The following AUTS2 variants were observed in gnomAD, a reference collection of about 807,000 sequenced individuals.
AUTS2 encodes the protein activator of transcription and developmental regulator AUTS2, also known as autism susceptibility gene 2 protein.
AUTS2 carries 17 observed loss-of-function variants against 112.4 expected under a neutral mutation model. The ratio of observed to expected loss-of-function variants is 0.15; its 90% CI spans 0.10 to 0.23. AUTS2 has a LOEUF of 0.23. AUTS2 is among the 10% of genes least tolerant of loss of function. The pLI is 1.00. For synonymous variants in AUTS2, 751 were observed against 702.7 expected (o/e 1.07, Z -1.09); for missense variants, 1,510 against 1,701.6 (o/e 0.89, Z 1.98).
chr7:70,330,174 G>C (rs1234323359), intron 4 of AUTS2, among the ~76,000 whole-genome samples: 1 of 152,156 alleles, frequency 6.6e-6, no homozygotes, highest in African/African-American at 2.4e-5. Flanking sequence ...TAATGCATTT[G>C]ATATCACATC....
chr7:69,981,668 CAT>C (rs1204325348), intron 2 of AUTS2, among the ~76,000 whole-genome samples: 2 of 152,130 alleles, frequency 1.3e-5, no homozygotes, highest in African/African-American at 2.4e-5. Context: ...TTGATTATCA[CAT>C]GTCTTGAAAT....
intron 4 of AUTS2, among the ~76,000 whole-genome samples, chr7:70,162,445 CAAAAAAAAAAAAAAAAAAAAAAAAAAAA>C (rs57688959): frequency 1.8e-5 from 1 of 56,682 alleles, no homozygotes; most frequent in Non-Finnish European, 3.0e-5. Flanking sequence ...GACTCCGTCT[CAAAAAAAAAAAAAAAAAAAAAAAAAAAA>C]AAAAAAAGAA....
intron 1 of AUTS2, among the ~76,000 whole-genome samples, chr7:69,685,827 G>A (rs1262759772): frequency 2.6e-5 from 4 of 151,598 alleles, no homozygotes; most frequent in Non-Finnish European, 5.9e-5. Context: ...TTACAGGCAT[G>A]AGCCACCACA....
intron 2 of AUTS2, among the ~76,000 whole-genome samples, chr7:70,036,729 A>G (rs1322924782): frequency 6.6e-6 from 1 of 152,214 alleles, no homozygotes; most frequent in Non-Finnish European, 1.5e-5. Context: ...AGAAGAGTTA[A>G]AAGAGAAGGC....
chr7:70,021,597 C>A (rs1226540140), intron 2 of AUTS2, among the ~76,000 whole-genome samples: 1 of 152,120 alleles, frequency 6.6e-6, no homozygotes, highest in Non-Finnish European at 1.5e-5. Flanking sequence ...AGTAAAATAA[C>A]GTGGAAAGGG....
intron 1 of AUTS2, among the ~76,000 whole-genome samples, chr7:69,744,888 C>A (rs1023357239): frequency 6.6e-6 from 1 of 152,134 alleles, no homozygotes; most frequent in African/African-American, 2.4e-5. Context: ...CACAAAAGCA[C>A]TGTAAACAGG....
At chr7:70,692,781 A>T (rs117879007) in intron 5 of AUTS2, among the ~76,000 whole-genome samples, 12,428 of 138,756 alleles carry the variant, frequency 0.09, 771 homozygotes, top group East Asian at 0.29. Context: ...TTTTTTTTTA[A>T]CTTGAGAGGT....
At chr7:70,541,902 C>T (rs1355358269) in intron 5 of AUTS2, among the ~76,000 whole-genome samples, 8 of 152,224 alleles carry the variant, frequency 5.3e-5, no homozygotes, top group African/African-American at 1.7e-4. Flanking sequence ...TGACAAAAAG[C>T]ACGGTGTCTT....
chr7:70,391,106 T>A (rs1486014886), intron 4 of AUTS2, among the ~76,000 whole-genome samples: 1 of 152,234 alleles, frequency 6.6e-6, no homozygotes, highest in East Asian at 1.9e-4. Context: ...TCCAGTCCTG[T>A]TGTATCTGAA....
intron 5 of AUTS2, chr7:70,436,839 A>G (rs17141610): frequency 0.037 from 5,592 of 152,338 alleles, 181 homozygotes; most frequent in African/African-American, 0.08. Context: ...TGAATTCAGC[A>G]TATGTAGCCT....
chr7:70,609,410 TCCG>T (rs1803953649), intron 5 of AUTS2, among the ~76,000 whole-genome samples: 3 of 132,186 alleles, frequency 2.3e-5, no homozygotes, highest in African/African-American at 6.3e-5. Context: ...TTTTTTTTTT[TCCG>T]AGACAGAGTC....
chr7:70,465,984 G>T (rs2115728328), intron 5 of AUTS2, among the ~76,000 whole-genome samples: 1 of 152,298 alleles, frequency 6.6e-6, no homozygotes, highest in Non-Finnish European at 1.5e-5. Flanking sequence ...GGTAGAGGTG[G>T]ATAGGCAGTG....
intron 1 of AUTS2, among the ~76,000 whole-genome samples, chr7:69,711,298 C>CTT (rs1012754610): frequency 3.3e-5 from 5 of 152,020 alleles, no homozygotes; most frequent in Admixed American, 3.3e-4. Context: ...AGGAACAGGG[C>CTT]TTCATAGGAT....
intron 2 of AUTS2, among the ~76,000 whole-genome samples, chr7:70,028,654 C>T (rs1338338431): frequency 6.6e-6 from 1 of 152,082 alleles, no homozygotes; most frequent in Non-Finnish European, 1.5e-5. Context: ...TTGTTTGTTC[C>T]TCCTCCTCCT....
chr7:70,581,951 A>G (rs1802468104), intron 5 of AUTS2, among the ~76,000 whole-genome samples: 1 of 151,886 alleles, frequency 6.6e-6, no homozygotes, highest in Non-Finnish European at 1.5e-5. Context: ...TAGTCTATGT[A>G]TAGTAAGGTT....
intron 5 of AUTS2, among the ~76,000 whole-genome samples, chr7:70,639,783 G>A (rs1044879883): frequency 1.3e-5 from 2 of 151,510 alleles, no homozygotes; most frequent in African/African-American, 2.4e-5. Flanking sequence ...TTTCTGAGGG[G>A]ACTATAAGGC....
chr7:70,270,685 T>C (rs6978919), intron 4 of AUTS2, among the ~76,000 whole-genome samples: 34,902 of 151,978 alleles, frequency 0.23, 4,057 homozygotes, highest in Middle Eastern at 0.33. Flanking sequence ...CCAGGGGACA[T>C]ATCAAGTAGT....
chr7:70,312,098 A>G (rs1257691861), intron 4 of AUTS2, among the ~76,000 whole-genome samples: 1 of 152,124 alleles, frequency 6.6e-6, no homozygotes, highest in Admixed American at 6.5e-5. Flanking sequence ...ACTTCAGGTG[A>G]TCCACCTGCC....
intron 1 of AUTS2, among the ~76,000 whole-genome samples, chr7:69,787,976 A>G (rs1789452892): frequency 6.6e-6 from 1 of 152,132 alleles, no homozygotes; most frequent in Non-Finnish European, 1.5e-5. Flanking sequence ...CATTATTCTC[A>G]CTGGCATTCC....
Sources: allele counts gnomAD v4.1 joint callset (sites outside exome capture counted in the v4.1 genomes callset), GRCh38; gene constraint gnomAD v4.1.1; transcripts MANE v1.5; gene names NCBI Gene and HGNC (gene_info 2026-07-23, HGNC 2026-07-21).